Variants in SLC39A12 observed in about 807,000 individuals in gnomAD.
SLC39A12 encodes the protein zinc transporter ZIP12.
A neutral mutation model predicts 71.1 loss-of-function variants in SLC39A12; 63 were observed. The observed-to-expected ratio is 0.89, with a 90% CI of 0.72 to 1.09. The LOEUF (loss-of-function observed/expected upper bound fraction) is 1.09, where lower values mean the gene tolerates loss of function less well. SLC39A12 is among the 50% of genes least tolerant of loss of function. The pLI is 0.00. For missense variants in SLC39A12, 892 were observed against 812.6 expected, an observed-to-expected ratio of 1.10 and a Z score of -1.19; for synonymous variants, 351 against 301.3, an observed-to-expected ratio of 1.16 and a Z score of -1.71.
chr10:18,013,220 CA>C (rs1467174541), intron 12 of SLC39A12, among the ~76,000 whole-genome samples: 4 of 151,044 alleles, frequency 2.6e-5, no homozygotes, highest in Non-Finnish European at 5.9e-5. Flanking sequence ...CTAAATATAT[CA>C]CAATAAGCTA....
At position 18,036,763 on chromosome 10, in the gene SLC39A12, TA is replaced by T. The variant is rs1564665828; in HGVS notation, c.1948-5941del. Reference sequence around the variant, plus strand: ...TTTAAAAATTATATATATATATATATATATATATATATATATATATATATAT... The same window carrying T: ...TTTAAAAATTATATATATATATATATTATATATATATATATATATATATAT... On this transcript the variant is annotated intron_variant, in intron 12 of 12. Coordinates refer to ENST00000377369, the MANE Select transcript of SLC39A12 (RefSeq NM_001145195.2). 3.1e-3 allele frequency among the ~76,000 whole-genome samples: 27 copies of T among 8,706 alleles called. 2 individuals carry two copies. The highest frequency in any genetic ancestry group is 0.013 in the East Asian group (5 of 384). The allele number at this position is 8,706 out of a possible 152,430, so 5.7% of individuals were successfully genotyped here. A position where few individuals can be genotyped will look rare whatever the true frequency, so the allele number is the denominator to read the frequency against.
At position 18,039,718 on chromosome 10, in the gene SLC39A12, C is replaced by T. The variant is rs528003745; in HGVS notation, c.1948-2987C>T. On this transcript the variant is annotated intron_variant, in intron 12 of 12. Transcript: ENST00000377369. Reference sequence around the variant, plus strand: ...ACTCCAGCCTGGGCAACAGTGAGACCCTGAATCAAAAAAAAGAAAAACAAG... The same window carrying T: ...ACTCCAGCCTGGGCAACAGTGAGACTCTGAATCAAAAAAAAGAAAAACAAG... Among the ~76,000 whole-genome samples the T allele has an allele frequency of 1.2e-4, 18 of 151,910 alleles. No individual in the cohort carries two copies. The South Asian group carries it at 3.7e-3, about 32-fold the overall frequency.
intron 2 of SLC39A12, 61 bp downstream of exon 2, chr10:17,953,598 A>T (rs1834464218): frequency 6.5e-7 from 1 of 1,550,250 alleles, no homozygotes; most frequent in East Asian, 2.3e-5. Context: ...AATGGATTCT[A>T]TAGGGATTTA....
chr10:17,997,582 T>C (rs1022283634), intron 10 of SLC39A12, among the ~76,000 whole-genome samples: 7 of 152,166 alleles, frequency 4.6e-5, no homozygotes, highest in African/African-American at 7.2e-5. Context: ...GGAGTAACGA[T>C]GGTCTTCTTC....
At chr10:18,013,841 C>G (rs1270612667) in intron 12 of SLC39A12, among the ~76,000 whole-genome samples, 1 of 152,134 alleles carries the variant, frequency 6.6e-6, no homozygotes, top group Non-Finnish European at 1.5e-5. Context: ...CTGTCTGTAG[C>G]CAGTACCACA....
At chr10:17,982,879 A>G (rs1392678699) in intron 6 of SLC39A12, among the ~76,000 whole-genome samples, 1 of 152,050 alleles carries the variant, frequency 6.6e-6, no homozygotes, top group African/African-American at 2.4e-5. Flanking sequence ...ACCTCCCAAC[A>G]TGTCACACTC....
chr10:18,034,754 A>G (rs1836950073), intron 12 of SLC39A12, among the ~76,000 whole-genome samples: 1 of 151,242 alleles, frequency 6.6e-6, no homozygotes, highest in Non-Finnish European at 1.5e-5. Context: ...GATGGTCTTT[A>G]CATTTTGGCA....
intron 12 of SLC39A12, among the ~76,000 whole-genome samples, chr10:18,038,072 A>C (rs952766347): frequency 4.2e-5 from 6 of 142,374 alleles, no homozygotes; most frequent in African/African-American, 1.3e-4. Flanking sequence ...CTGTATGGCA[A>C]GTTATCATAG....
chr10:18,010,842 C>T (rs1324281291), intron 12 of SLC39A12, among the ~76,000 whole-genome samples: 2 of 152,162 alleles, frequency 1.3e-5, no homozygotes, highest in Admixed American at 6.5e-5. Flanking sequence ...AGATTTTCTT[C>T]CACCTCTGCC....
chr10:17,995,333 C>T (rs1292240839), intron 9 of SLC39A12, among the ~76,000 whole-genome samples: 6 of 152,104 alleles, frequency 3.9e-5, no homozygotes, highest in East Asian at 1.9e-4. Context: ...TAATTTTTTT[C>T]GATAGCTTTT....
At chr10:18,012,924 T>C (rs1836269967) in intron 12 of SLC39A12, among the ~76,000 whole-genome samples, 3 of 151,296 alleles carry the variant, frequency 2.0e-5, no homozygotes, top group African/African-American at 7.3e-5. Flanking sequence ...TTTGTGGTTG[T>C]TAACGAAGCG....
At chr10:17,975,551 C>G (rs573113742) in intron 4 of SLC39A12, among the ~76,000 whole-genome samples, 1 of 152,150 alleles carries the variant, frequency 6.6e-6, no homozygotes, top group African/African-American at 2.4e-5. Context: ...AGATGCAATG[C>G]AGAGTCCTCC....
chr10:18,030,302 G>A (rs976082828), intron 12 of SLC39A12, among the ~76,000 whole-genome samples: 3 of 149,050 alleles, frequency 2.0e-5, no homozygotes, highest in Non-Finnish European at 3.0e-5. Context: ...TCTCTCTGTC[G>A]CCCAGGCTGG....
intron 2 of SLC39A12, 74 bp from the exon 3 acceptor site, chr10:17,961,507 G>T: frequency 5.0e-6 from 7 of 1,393,354 alleles, no homozygotes; most frequent in Non-Finnish European, 6.8e-6. Context: ...TGAAGACCCT[G>T]GTGGTCATTA....
At chr10:18,028,270 T>A (rs1470634485) in intron 12 of SLC39A12, among the ~76,000 whole-genome samples, 1 of 152,246 alleles carries the variant, frequency 6.6e-6, no homozygotes, top group Non-Finnish European at 1.5e-5. Flanking sequence ...ATATTTGAAT[T>A]GCAAATTTTT....
chr10:18,042,831 T>A lies in SLC39A12; in HGVS notation c.2074T>A (p.Ter692LysextTer24). Reference sequence around the variant, plus strand: ...TATATATGAGCAAAATATTAAAATATAAGTGAGGATCTTCAACATCTTTCA... The same window carrying A: ...TATATATGAGCAAAATATTAAAATAAAAGTGAGGATCTTCAACATCTTTCA... The part of the protein sequence containing the change: ...LAIYEQNIKI[*>K] The change falls in exon 13 of 13, where the codon TAA becomes AAA. Residue 692 changes from the stop codon to lysine (K), a stop_lost. Coordinates refer to ENST00000377369, the MANE Select transcript of SLC39A12 (RefSeq NM_001145195.2). The A allele has an allele frequency of 6.2e-7, 1 of 1,603,578 alleles. No homozygotes were observed. Among genetic ancestry groups the A allele is most frequent in the Non-Finnish European group, 8.5e-7 (1 of 1,176,364 alleles).
At chr10:18,041,661 A>ATG (rs1159253534) in intron 12 of SLC39A12, among the ~76,000 whole-genome samples, 2 of 90,142 alleles carry the variant, frequency 2.2e-5, no homozygotes, top group East Asian at 4.9e-4. Context: ...ATATGTATAT[A>ATG]TGTGTATATA....
At chr10:17,984,012 G>A (rs754129519) in intron 6 of SLC39A12, among the ~76,000 whole-genome samples, 1 of 152,180 alleles carries the variant, frequency 6.6e-6, no homozygotes, top group South Asian at 2.1e-4. Context: ...CCAGGAAAGA[G>A]TATTATGGCC....
At chr10:17,976,041 A>T (rs1311820112) in intron 4 of SLC39A12, among the ~76,000 whole-genome samples, 1 of 152,048 alleles carries the variant, frequency 6.6e-6, no homozygotes, top group Admixed American at 6.5e-5. Flanking sequence ...GCTACTGGGG[A>T]GGTGGGAGAG....
Sources: gnomAD v4.1 joint callset for allele counts (sites outside exome capture counted in the v4.1 genomes callset) on GRCh38, gnomAD v4.1.1 for gene constraint, MANE v1.5 for transcripts, NCBI Gene and HGNC (gene_info 2026-07-23, HGNC 2026-07-21) for gene names.